The following CNIH3 variants were observed in gnomAD, a reference collection of about 807,000 sequenced individuals.
The protein encoded by CNIH3 is cornichon family AMPA receptor auxiliary protein 3.
Under a neutral mutation model 24.1 loss-of-function variants are expected in CNIH3, and 14 were observed. That is an observed-to-expected ratio of 0.58 (90% CI 0.38 to 0.91). CNIH3 has a LOEUF of 0.91. Ranked by LOEUF, CNIH3 falls within the 40% of genes least tolerant of loss-of-function variation. The pLI, the probability that CNIH3 is intolerant of heterozygous loss-of-function variation, is 0.00. For missense variants in CNIH3, 178 were observed against 196.8 expected, an observed-to-expected ratio of 0.90 and a Z score of 0.57; for synonymous variants, 68 against 73.8, an observed-to-expected ratio of 0.92 and a Z score of 0.40.
chr1:224,631,366 T>C (rs1209164653), intron 1 of CNIH3, among the ~76,000 whole-genome samples: 2 of 152,198 alleles, frequency 1.3e-5, no homozygotes, highest in Non-Finnish European at 2.9e-5. Flanking sequence ...GTTTCCAATT[T>C]GAACTCAGCT....
intron 4 of CNIH3, chr1:224,574,425 G>A (rs1204502451): frequency 1.0e-5 from 6 of 599,966 alleles, no homozygotes; most frequent in Non-Finnish European, 1.5e-5. Flanking sequence ...TCTGGAGAGT[G>A]CAGCAGCCAT....
intron 1 of CNIH3, among the ~76,000 whole-genome samples, chr1:224,643,882 A>G (rs538480357): frequency 2.1e-4 from 32 of 152,066 alleles, no homozygotes; most frequent in African/African-American, 7.7e-4. Flanking sequence ...GGTTGGCTGG[A>G]GTTTCTCTGG....
At chr1:224,506,414 G>A (rs1336824263) in intron 1 of CNIH3, among the ~76,000 whole-genome samples, 2 of 152,170 alleles carry the variant, frequency 1.3e-5, no homozygotes, top group Non-Finnish European at 2.9e-5. Flanking sequence ...TTCAGCCTTG[G>A]CTTCTGCTCT....
downstream of CNIH3, among the ~76,000 whole-genome samples, chr1:224,592,659 C>T (rs1294364623): frequency 1.3e-5 from 2 of 152,118 alleles, no homozygotes; most frequent in African/African-American, 4.8e-5. Context: ...TTATCATGCC[C>T]AGCCCTGTCT....
chr1:224,640,714 G>C (rs1391187271), intron 1 of CNIH3, among the ~76,000 whole-genome samples: 1 of 152,186 alleles, frequency 6.6e-6, no homozygotes, highest in South Asian at 2.1e-4. Flanking sequence ...GTTGTGAACT[G>C]GTGGGGTGTC....
At chr1:224,434,892 A>C (rs973554953) in intron 1 of CNIH3, 2 of 984,750 alleles carry the variant, frequency 2.0e-6, no homozygotes, top group Non-Finnish European at 2.4e-6. Context: ...CCTGTCACCC[A>C]GCACGTGCAT....
At chr1:224,596,088 A>G (rs1453413716) in intron 3 of CNIH3, among the ~76,000 whole-genome samples, 1 of 152,232 alleles carries the variant, frequency 6.6e-6, no homozygotes, top group Non-Finnish European at 1.5e-5. Flanking sequence ...CAGATTTTCA[A>G]TGTAGATGAA....
chr1:224,672,016 A>G (rs962855668), intron 1 of CNIH3, among the ~76,000 whole-genome samples: 2 of 152,212 alleles, frequency 1.3e-5, no homozygotes, highest in African/African-American at 4.8e-5. Context: ...GTATGTTATA[A>G]CCAATAAAAT....
In CNIH3 at chr1:224,703,023, G is replaced by A. The variant is rs560931988; in HGVS notation, c.198+18180G>A. 6.6e-6 allele frequency among the ~76,000 whole-genome samples: 1 copy of A among 152,314 alleles called. No homozygotes were observed. Among genetic ancestry groups the A allele is most frequent in the South Asian group, 2.1e-4 (1 of 4,828 alleles). ...ATTGAATTGGAAACTCAGGAGGTGA[G>A]GTTAGGGCCTCAGCATTTTATAAAT... On this transcript the variant is annotated intron_variant, in intron 3 of 5. Coordinates refer to ENST00000272133, the MANE Select transcript of CNIH3 (RefSeq NM_152495.2). The surrounding 1 kb of genome is among the most constrained non-coding windows in gnomAD (Gnocchi z 4.2).
At chr1:224,522,978 A>G (rs571772900) in intron 2 of CNIH3, among the ~76,000 whole-genome samples, 6 of 152,220 alleles carry the variant, frequency 3.9e-5, no homozygotes, top group Non-Finnish European at 8.8e-5. Flanking sequence ...TCAAGCCCTT[A>G]AGCCCAGTGT....
intron 3 of CNIH3, among the ~76,000 whole-genome samples, chr1:224,710,160 G>A (rs937160064): frequency 2.0e-5 from 3 of 152,308 alleles, no homozygotes; most frequent in East Asian, 1.9e-4. Flanking sequence ...CCGATAAGGG[G>A]TATTGCTGAA....
intron 1 of CNIH3, among the ~76,000 whole-genome samples, chr1:224,673,528 C>T (rs1413531165): frequency 6.6e-6 from 1 of 152,218 alleles, no homozygotes; most frequent in African/African-American, 2.4e-5. Context: ...ATGTCTGGCT[C>T]CTGGACATTC....
At chr1:224,503,466 G>C (rs1467495382) in intron 1 of CNIH3, among the ~76,000 whole-genome samples, 1 of 152,292 alleles carries the variant, frequency 6.6e-6, no homozygotes, top group Non-Finnish European at 1.5e-5. Flanking sequence ...GAAACAGCCA[G>C]GTGGCTCCCC....
chr1:224,482,322 C>T (rs961871271), intron 1 of CNIH3, among the ~76,000 whole-genome samples: 1 of 152,068 alleles, frequency 6.6e-6, no homozygotes, highest in Non-Finnish European at 1.5e-5. Context: ...CTCCTCGTAG[C>T]GACCACAGCT....
intron 3 of CNIH3, among the ~76,000 whole-genome samples, chr1:224,598,705 A>G (rs1439536060): frequency 6.6e-6 from 1 of 152,240 alleles, no homozygotes; most frequent in Non-Finnish European, 1.5e-5. Context: ...ACCAGCAAAA[A>G]GATTAAGACT....
chr1:224,551,243 T>A (rs1679908659), intron 3 of CNIH3, among the ~76,000 whole-genome samples: 3 of 152,100 alleles, frequency 2.0e-5, no homozygotes, highest in Non-Finnish European at 4.4e-5. Context: ...GGATTATAAA[T>A]CATGCTGCTA....
intron 1 of CNIH3, among the ~76,000 whole-genome samples, chr1:224,475,350 C>A (rs1301613211): frequency 1.6e-5 from 2 of 126,302 alleles, no homozygotes; most frequent in Admixed American, 8.6e-5. Context: ...AGCGAGACTC[C>A]ATCTCAAAAA....
downstream of CNIH3, among the ~76,000 whole-genome samples, chr1:224,540,402 T>C (rs1258573628): frequency 1.3e-5 from 2 of 152,358 alleles, no homozygotes; most frequent in East Asian, 1.9e-4. Context: ...CATGCGGATG[T>C]AGTTGTGAGG....
At chr1:224,733,965 C>T (rs889616040) in intron 4 of CNIH3, among the ~76,000 whole-genome samples, 5 of 152,196 alleles carry the variant, frequency 3.3e-5, no homozygotes, top group Admixed American at 6.5e-5. Context: ...ACACAGTTCG[C>T]GTTAGCTGCT....
Sources: gnomAD v4.1 joint callset for allele counts (sites outside exome capture counted in the v4.1 genomes callset) on GRCh38, gnomAD v4.1.1 for gene constraint, Gnocchi (gnomAD v3.1) non-coding constraint, MANE v1.5 for transcripts, NCBI Gene and HGNC (gene_info 2026-07-23, HGNC 2026-07-21) for gene names.